The following TMEM132D variants were observed in gnomAD, a reference collection of about 807,000 sequenced individuals.
TMEM132D encodes the protein mature OL transmembrane protein.
TMEM132D carries 21 observed loss-of-function variants against 62.3 expected under a neutral mutation model. The observed-to-expected ratio is 0.34, with a 90% confidence interval of 0.24 to 0.49. The LOEUF (loss-of-function observed/expected upper bound fraction) is 0.49. Among genes scored for constraint, TMEM132D ranks in the 20% least tolerant of loss-of-function variants. The pLI is 0.99. For synonymous variants in TMEM132D, 621 were observed against 575.6 expected, an observed-to-expected ratio of 1.08 and a Z score of -1.13; for missense variants, 1,346 against 1,402.8, an observed-to-expected ratio of 0.96 and a Z score of 0.65.
chr12:129,530,302 C>T (rs1765234441), intron 3 of TMEM132D, among the ~76,000 whole-genome samples: 2 of 152,140 alleles, frequency 1.3e-5, no homozygotes, highest in African/African-American at 4.8e-5. Flanking sequence ...CATGGCATAT[C>T]GGAATTCATC....
chr12:129,453,271 G>T (rs1483929085), intron 3 of TMEM132D, among the ~76,000 whole-genome samples: 1 of 152,168 alleles, frequency 6.6e-6, no homozygotes, highest in East Asian at 1.9e-4. Flanking sequence ...ATCTAAGAAG[G>T]CGTGCCTACT....
chr12:129,408,019 C>T (rs1240941894), intron 3 of TMEM132D, among the ~76,000 whole-genome samples: 1 of 152,134 alleles, frequency 6.6e-6, no homozygotes, highest in Admixed American at 6.6e-5. Flanking sequence ...CCTGGGGCTT[C>T]ACTATACTCT....
At chr12:129,795,941 C>T (rs148410705) in intron 1 of TMEM132D, among the ~76,000 whole-genome samples, 33 of 152,254 alleles carry the variant, frequency 2.2e-4, no homozygotes, top group Non-Finnish European at 4.1e-4. Context: ...GCCTGGATTA[C>T]GTTGGCTTCC....
rs1403546934 is a variant in TMEM132D at position 129,613,716 on chromosome 12, AACTGTCTCCAGAACCCAGGGG to A, written c.969-82532_969-82512del. On this transcript the variant is annotated intron_variant, in intron 2 of 8. Transcript: ENST00000422113. The stretch of plus-strand genomic sequence containing the variant: ...AGAAGACTGGCTCGAGAACCCAGGC[AACTGTCTCCAGAACCCAGGGG>A]ACTGTCTCCAGAACCAAGGTGACTG... Among the ~76,000 whole-genome samples, 7 of 152,046 alleles carry A rather than the reference AACTGTCTCCAGAACCCAGGGG, an allele frequency of 4.6e-5. No individual in the cohort carries two copies. The East Asian group carries it at 7.7e-4, about 17-fold the overall frequency.
intron 4 of TMEM132D, among the ~76,000 whole-genome samples, chr12:129,231,967 G>A (rs569806101): frequency 4.3e-4 from 65 of 152,218 alleles, no homozygotes; most frequent in African/African-American, 1.5e-3. Flanking sequence ...CAGAACCTCT[G>A]GGGAGTGGGA....
intron 4 of TMEM132D, among the ~76,000 whole-genome samples, chr12:129,336,657 G>A (rs919964328): frequency 6.6e-6 from 1 of 152,208 alleles, no homozygotes; most frequent in Non-Finnish European, 1.5e-5. Context: ...TTGAAGGACA[G>A]AGAGAGGGCT....
chr12:129,303,748 A>G (rs1881775964), intron 4 of TMEM132D, among the ~76,000 whole-genome samples: 1 of 151,090 alleles, frequency 6.6e-6, no homozygotes. Context: ...AAGTCCCATG[A>G]TCTACCATTG....
chr12:129,778,357 C>G (rs141416762), intron 1 of TMEM132D, among the ~76,000 whole-genome samples: 11 of 152,170 alleles, frequency 7.2e-5, no homozygotes, highest in African/African-American at 2.4e-4. Context: ...CCAGGGTATA[C>G]TTTTAGCTCA....
chr12:129,696,842 G>C (rs1565952316), intron 2 of TMEM132D, among the ~76,000 whole-genome samples: 1 of 152,232 alleles, frequency 6.6e-6, no homozygotes. Flanking sequence ...GAGATCGTTA[G>C]ATGTCTCAGG....
chr12:129,851,485 T>C (rs1458928588), intron 1 of TMEM132D, among the ~76,000 whole-genome samples: 2 of 152,160 alleles, frequency 1.3e-5, no homozygotes, highest in East Asian at 1.9e-4. Flanking sequence ...TTGGAGATAA[T>C]TGGAACTGTA....
At chr12:129,503,346 A>G (rs1875214198) in intron 3 of TMEM132D, among the ~76,000 whole-genome samples, 2 of 152,234 alleles carry the variant, frequency 1.3e-5, no homozygotes, top group South Asian at 2.1e-4. Flanking sequence ...TGGATAGAGT[A>G]TTCTGAAAGC....
At chr12:129,691,585 A>G (rs975783523) in intron 2 of TMEM132D, among the ~76,000 whole-genome samples, 1 of 152,136 alleles carries the variant, frequency 6.6e-6, no homozygotes, top group Non-Finnish European at 1.5e-5. Context: ...ATAATAATGC[A>G]GTATACATTT....
intron 2 of TMEM132D, among the ~76,000 whole-genome samples, chr12:129,587,666 C>T (rs958385481): frequency 7.9e-5 from 12 of 152,244 alleles, no homozygotes; most frequent in Middle Eastern, 3.4e-3. Flanking sequence ...AAAATTCAAA[C>T]GTGACACCTT....
At chr12:129,393,794 G>A (rs1871351889) in intron 3 of TMEM132D, among the ~76,000 whole-genome samples, 1 of 152,098 alleles carries the variant, frequency 6.6e-6, no homozygotes, top group Non-Finnish European at 1.5e-5. Context: ...TCATCACTCA[G>A]AAATGCCCAT....
At chr12:129,771,865 T>C (rs1401758353) in intron 1 of TMEM132D, among the ~76,000 whole-genome samples, 1 of 152,244 alleles carries the variant, frequency 6.6e-6, no homozygotes, top group East Asian at 1.9e-4. Context: ...TTACAAATAT[T>C]AGCTCATCAA....
chr12:129,647,217 A>C (rs1049038810), intron 2 of TMEM132D, among the ~76,000 whole-genome samples: 2 of 138,376 alleles, frequency 1.4e-5, no homozygotes, highest in African/African-American at 5.5e-5. Context: ...TGCAATGTGC[A>C]TTATTTGCTG....
chr12:129,794,253 A>ATTTTTTTTTTTT (rs3046861), intron 1 of TMEM132D, among the ~76,000 whole-genome samples: 109 of 111,524 alleles, frequency 9.8e-4, no homozygotes, highest in African/African-American at 1.4e-3. Flanking sequence ...CATGCCCAGC[A>ATTTTTTTTTTTT]TTTTTTTTTT....
intron 3 of TMEM132D, among the ~76,000 whole-genome samples, chr12:129,393,228 T>C (rs1871337285): frequency 6.6e-6 from 1 of 152,224 alleles, no homozygotes; most frequent in Admixed American, 6.5e-5. Flanking sequence ...TTCCTTACCA[T>C]GTTTGCCCAG....
At chr12:129,767,291 A>G (rs886800058) in intron 1 of TMEM132D, among the ~76,000 whole-genome samples, 1 of 152,180 alleles carries the variant, frequency 6.6e-6, no homozygotes, top group Non-Finnish European at 1.5e-5. Flanking sequence ...TAAAACATGC[A>G]TGCTTTTCTC....
Sources: allele counts gnomAD v4.1 joint callset (sites outside exome capture counted in the v4.1 genomes callset), GRCh38; gene constraint gnomAD v4.1.1; transcripts MANE v1.5; gene names NCBI Gene and HGNC (gene_info 2026-07-23, HGNC 2026-07-21).